Variants in OTC observed in about 807,000 individuals in gnomAD.
OTC encodes the protein ornithine transcarbamylase, mitochondrial.
Under a neutral mutation model 30.3 loss-of-function variants are expected in OTC, and 3 were observed. The ratio of observed to expected loss-of-function variants is 0.10; its 90% CI spans 0.05 to 0.26. OTC has a LOEUF of 0.26. OTC is among the 10% of genes least tolerant of loss of function. The pLI, the probability that OTC is intolerant of heterozygous loss-of-function variation, is 1.00. For synonymous variants in OTC, 111 were observed against 99.7 expected (o/e 1.11, Z -0.67); for missense variants, 194 against 260.3 (o/e 0.75, Z 1.75).
chrX:38,328,518 G>A, the OTC span, among the ~76,000 whole-genome samples: 2 of 112,185 alleles, frequency 1.8e-5, no homozygotes, highest in Non-Finnish European at 3.8e-5. Context: ...TAAGCCAGGA[G>A]GGGGAGAGAG....
At chrX:38,361,302 T>TAAA (rs60764868) in intron 1 of OTC, among the ~76,000 whole-genome samples, 284 of 104,401 alleles carry the variant, frequency 2.7e-3, no homozygotes, top group African/African-American at 9.7e-3. Flanking sequence ...GAGACTCCGT[T>TAAA]AAAAAAAAAA....
chrX:38,394,023 G>T (rs1007046522), intron 4 of OTC, among the ~76,000 whole-genome samples: 3 of 111,584 alleles, frequency 2.7e-5, no homozygotes, highest in East Asian at 2.8e-4. Context: ...CCCACCCAGG[G>T]TAATCTCCCC....
At chrX:38,409,096 T>G (rs1232117738) in intron 8 of OTC, 71 bp downstream of exon 8, 43 of 1,061,778 alleles carry the variant, frequency 4.0e-5, no homozygotes, top group Non-Finnish European at 4.6e-5. Flanking sequence ...AATCACTTAT[T>G]CACTTTAGGG....
intron 4 of OTC, among the ~76,000 whole-genome samples, chrX:38,384,010 A>G (rs1330815644): frequency 8.9e-6 from 1 of 111,813 alleles, no homozygotes; most frequent in East Asian, 2.8e-4. Context: ...GAAGCAGGAA[A>G]ATGAAAGGAG....
At chrX:38,329,065 G>T in the OTC span, among the ~76,000 whole-genome samples, 662 of 112,173 alleles carry the variant, frequency 5.9e-3, 5 homozygotes, top group African/African-American at 0.02. Context: ...AATTTTTAAA[G>T]ATTTACTTTT....
chrX:38,358,911 C>T (rs749525226), intron 1 of OTC, among the ~76,000 whole-genome samples: 18 of 110,565 alleles, frequency 1.6e-4, no homozygotes, highest in African/African-American at 5.3e-4. Context: ...CATGAGCCAC[C>T]GCACCCGGCC....
rs2068593331 is a variant in OTC, at chrX:38,421,137, G to A, written c.*55G>A. The A allele has an allele frequency of 2.4e-6, 2 of 845,493 alleles. No homozygotes were observed. The highest frequency in any genetic ancestry group is 6.2e-5 in the East Asian group (2 of 32,035). 69.7% of individuals were successfully genotyped at this position (845,493 alleles called of 1,213,427 possible). A position where few individuals can be genotyped will look rare whatever the true frequency, so the allele number is the denominator to read the frequency against. The stretch of plus-strand genomic sequence containing the variant: ...TGTTCTTCAGTAACAGAATGAGTTG[G>A]TTTATGGGGAAAAGAGAAGAGAATC... On this transcript the variant is annotated 3_prime_UTR_variant, in exon 10 of 10. Coordinates refer to ENST00000039007, the MANE Select transcript of OTC (RefSeq NM_000531.6).
chrX:38,351,418 C>T (rs769163505), upstream of OTC, among the ~76,000 whole-genome samples: 1 of 111,584 alleles, frequency 9.0e-6, no homozygotes, highest in Non-Finnish European at 1.9e-5. Flanking sequence ...AGAGGGCTCC[C>T]GCTTCTTCGA....
At chrX:38,388,543 A>T (rs1047435313) in intron 4 of OTC, among the ~76,000 whole-genome samples, 1 of 110,765 alleles carries the variant, frequency 9.0e-6, no homozygotes, top group Non-Finnish European at 1.9e-5. Flanking sequence ...GATTTAAATC[A>T]TATGGAATTT....
At chrX:38,420,989 T>C in intron 9 of OTC, 34 bp from the exon 10 acceptor site, 1 of 1,098,883 alleles carries the variant, frequency 9.1e-7, no homozygotes, top group Non-Finnish European at 1.3e-6. Context: ...CGCTAATGTT[T>C]ATCCATTTCT....
intron 3 of OTC, among the ~76,000 whole-genome samples, chrX:38,375,155 G>A (rs924176958): frequency 9.0e-6 from 1 of 111,698 alleles, no homozygotes; most frequent in African/African-American, 3.3e-5. Context: ...GCCTTCATGG[G>A]GCTTACATTC....
chrX:38,355,307 C>T (rs1011174781), intron 1 of OTC, among the ~76,000 whole-genome samples: 2 of 111,571 alleles, frequency 1.8e-5, no homozygotes, highest in East Asian at 5.6e-4. Context: ...ATAAACAAGG[C>T]TCTAAAGCCT....
rs775672600 is a variant in OTC at position 38,355,842 on chromosome X, G to C, written c.77+3069G>C. Among the ~76,000 whole-genome samples, 8 of 111,731 alleles carry C rather than the reference G, an allele frequency of 7.2e-5. No individual in the cohort carries two copies. The Admixed American group carries it at 7.6e-4, about 11-fold the overall frequency. ...ACCTGAGGTCAGGAGTTCCAGACCA[G>C]TTTGGCCAGCATGGCAAAACCCTGT... On this transcript the variant is annotated intron_variant, in intron 1 of 9. Coordinates refer to ENST00000039007, the MANE Select transcript of OTC (RefSeq NM_000531.6).
At chrX:38,401,160 C>A in intron 4 of OTC, 115 bp from the exon 5 acceptor site, 1 of 589,652 alleles carries the variant, frequency 1.7e-6, no homozygotes, top group Non-Finnish European at 2.8e-6. Context: ...GGTAGGTTTT[C>A]ATGTAGTAAA....
rs139475216 is a variant in OTC, at chrX:38,381,232, A to G, written c.299-110A>G. On this transcript the variant is annotated intron_variant, in intron 3 of 9. Transcript: ENST00000039007. Reference sequence around the variant, plus strand: ...GAATTCTGTATCAGAGAAGTTGGAGAGCTTTAAAGATTTTGACTTTTCAGT... The same window carrying G: ...GAATTCTGTATCAGAGAAGTTGGAGGGCTTTAAAGATTTTGACTTTTCAGT... 4.7e-4 allele frequency: 241 copies of G among 514,734 alleles called. No individual in the cohort carries two copies. The African/African-American group carries it at 5.3e-3, about 11-fold the overall frequency. 42.4% of individuals were successfully genotyped at this position (514,734 alleles called of 1,213,427 possible).
intron 4 of OTC, among the ~76,000 whole-genome samples, chrX:38,384,299 G>T (rs1182296273): frequency 8.9e-6 from 1 of 111,890 alleles, no homozygotes; most frequent in African/African-American, 3.2e-5. Flanking sequence ...AATATCAGAA[G>T]AGGCTGGCAT....
At chrX:38,390,336 G>A (rs973499297) in intron 4 of OTC, among the ~76,000 whole-genome samples, 3 of 112,212 alleles carry the variant, frequency 2.7e-5, no homozygotes, top group African/African-American at 9.7e-5. Context: ...CTGTTTCCCA[G>A]AGGGAGATTC....
At chrX:38,348,282 A>G (rs923135560), upstream of OTC, among the ~76,000 whole-genome samples, 1 of 112,031 alleles carries the variant, frequency 8.9e-6, no homozygotes, top group Non-Finnish European at 1.9e-5. Flanking sequence ...TTCTCACACA[A>G]TGGCCCCAGG....
At chrX:38,407,017 G>C (rs1213613648) in intron 6 of OTC, among the ~76,000 whole-genome samples, 1 of 112,781 alleles carries the variant, frequency 8.9e-6, no homozygotes, top group Non-Finnish European at 1.9e-5. Flanking sequence ...AGAGTTTAGT[G>C]TGCAGGACAG....
Sources: allele counts gnomAD v4.1 joint callset (sites outside exome capture counted in the v4.1 genomes callset), GRCh38; gene constraint gnomAD v4.1.1; transcripts MANE v1.5; gene names NCBI Gene and HGNC (gene_info 2026-07-23, HGNC 2026-07-21).